USP10: variants seen among roughly 807,000 people sequenced by gnomAD.
The protein encoded by USP10 is ubiquitin specific peptidase 10, also known as ubiquitin carboxyl-terminal hydrolase 10.
A neutral mutation model predicts 84.5 loss-of-function variants in USP10; 22 were observed. The observed-to-expected ratio is 0.26, with a 90% CI of 0.19 to 0.37. USP10 has a LOEUF of 0.37. Ranked by LOEUF, USP10 falls within the 10% of genes least tolerant of loss-of-function variation. The probability of loss-of-function intolerance (pLI) is 1.00; values close to 1 mark genes in which losing one functional copy is unlikely to be tolerated. For missense variants in USP10, 1,019 were observed against 998.9 expected, an observed-to-expected ratio of 1.02 and a Z score of -0.27; for synonymous variants, 454 against 387.6, an observed-to-expected ratio of 1.17 and a Z score of -2.01.
At chr16:84,722,778 C>T (rs778457308) in intron 1 of USP10, among the ~76,000 whole-genome samples, 2 of 152,066 alleles carry the variant, frequency 1.3e-5, no homozygotes, top group Non-Finnish European at 2.9e-5. Context: ...CAGTCTCGAA[C>T]TCCCTAACCT....
rs551314341 is a variant in USP10 at position 84,763,861 on chromosome 16, C to T, written c.1655-225C>T. Among the ~76,000 whole-genome samples, 7 of 151,168 alleles carry T rather than the reference C, an allele frequency of 4.6e-5. No individual in the cohort carries two copies. The East Asian group carries it at 9.7e-4, about 21-fold the overall frequency. The stretch of plus-strand genomic sequence containing the variant: ...GGATTGGTTGCCATGGATCCAGTGA[C>T]GTTGCACCTGTTGCGATTGGTTGCC... On this transcript the variant is annotated intron_variant, in intron 9 of 13. Coordinates refer to ENST00000219473, the MANE Select transcript of USP10 (RefSeq NM_005153.3).
intron 2 of USP10, among the ~76,000 whole-genome samples, chr16:84,735,944 A>G (rs942261592): frequency 6.6e-6 from 1 of 151,190 alleles, no homozygotes; most frequent in East Asian, 1.9e-4. Flanking sequence ...ACTCACTTTC[A>G]TGGGGCGGCA....
intron 4 of USP10, among the ~76,000 whole-genome samples, chr16:84,754,458 C>T (rs1010379329): frequency 6.6e-5 from 10 of 152,146 alleles, no homozygotes; most frequent in African/African-American, 2.2e-4. Context: ...TGGTGGAGTA[C>T]ATTTCCTAGT....
chr16:84,731,228 C>T (rs978585254), intron 1 of USP10, among the ~76,000 whole-genome samples: 11 of 151,560 alleles, frequency 7.3e-5, no homozygotes, highest in Non-Finnish European at 1.2e-4. Flanking sequence ...ATCCGCCCAC[C>T]TCGGCCTCCC....
Position 84,700,051 on chromosome 16 carries a change from GC to G in USP10, c.-39del. The G allele has an allele frequency of 7.3e-7, 1 of 1,361,960 alleles. No homozygotes were observed. Among genetic ancestry groups the G allele is most frequent in the Non-Finnish European group, 9.7e-7 (1 of 1,036,030 alleles). The allele number at this position is 1,361,960 out of a possible 1,614,324, so 84.4% of individuals were successfully genotyped here. ...GGCGGCGGCGGGGGAAGCAGCGTGA[GC>G]AGCCGGAGGATCGCGGAGTCCCAAT... is the stretch of plus-strand genomic sequence containing the variant. On this transcript the variant is annotated 5_prime_UTR_variant, in exon 1 of 14. It removes the in-frame stop codon of an upstream open reading frame in the 5' UTR. Coordinates refer to ENST00000219473, the MANE Select transcript of USP10 (RefSeq NM_005153.3).
intron 4 of USP10, among the ~76,000 whole-genome samples, chr16:84,748,153 C>CAAAAAAAAAAAAAAAA (rs1169089505): frequency 2.0e-5 from 1 of 51,176 alleles, no homozygotes; most frequent in Non-Finnish European, 3.4e-5. Context: ...GACTCCATCT[C>CAAAAAAAAAAAAAAAA]AAAAAAAAAA....
rs140692768 is a variant in USP10, at chr16:84,708,617, C to T, written c.21+8506C>T. 9.8e-5 allele frequency among the ~76,000 whole-genome samples: 15 copies of T among 152,288 alleles called. No individual in the cohort carries two copies. The East Asian group carries it at 2.7e-3, about 27-fold the overall frequency. On this transcript the variant is annotated intron_variant, in intron 1 of 13. Coordinates refer to ENST00000219473, the MANE Select transcript of USP10 (RefSeq NM_005153.3). ...ATTCACCTGAATTTTTCTCCATCTT[C>T]TTCAAAATCATGTTTTTGTCTTCTG... is the stretch of plus-strand genomic sequence containing the variant.
intron 1 of USP10, among the ~76,000 whole-genome samples, chr16:84,719,992 A>G (rs1294475857): frequency 2.0e-5 from 3 of 152,214 alleles, no homozygotes; most frequent in African/African-American, 7.2e-5. Context: ...AAACCTTCTA[A>G]GTAACTTTGC....
intron 1 of USP10, 150 bp from the exon 2 acceptor site, chr16:84,733,285 C>CGA (rs1360775296): frequency 3.2e-6 from 2 of 633,332 alleles, no homozygotes; most frequent in Non-Finnish European, 5.6e-6. Context: ...ACCTAGAACT[C>CGA]TGAGTTGCAG....
chr16:84,702,635 A>T (rs921735849), intron 1 of USP10, among the ~76,000 whole-genome samples: 15 of 152,146 alleles, frequency 9.9e-5, no homozygotes, highest in Admixed American at 8.5e-4. Context: ...TCTTATTTTA[A>T]AATTGACTTG....
intron 4 of USP10, among the ~76,000 whole-genome samples, chr16:84,756,939 G>T (rs529527289): frequency 1.3e-5 from 2 of 152,298 alleles, no homozygotes; most frequent in East Asian, 3.9e-4. Flanking sequence ...ATTTTTAAGT[G>T]AAGCCCCTTA....
Position 84,744,793 on chromosome 16 carries a change from C to T in USP10, c.312C>T (p.Ile104=). Residue 104 remains isoleucine (I), a synonymous_variant, in exon 4 of 14, where the codon ATC becomes ATT. Transcript: ENST00000219473. ...CTASKITPDG[I]TKEASYGSID... is the part of the protein sequence containing the mutation. ...CTTCCAAAATAACCCCTGATGGTAT[C>T]ACTAAAGAAGCAAGCTATGGCTCCA... 1.2e-6 allele frequency: 2 copies of T among 1,613,748 alleles called. No individual in the cohort carries two copies. The highest frequency in any genetic ancestry group is 2.2e-5 in the South Asian group (2 of 91,076).
At chr16:84,719,687 C>T (rs1301514740) in intron 1 of USP10, among the ~76,000 whole-genome samples, 1 of 152,170 alleles carries the variant, frequency 6.6e-6, no homozygotes, top group African/African-American at 2.4e-5. Flanking sequence ...ATGTAGGTCC[C>T]ATAAGGGGGA....
chr16:84,701,834 A>G (rs1904896512), intron 1 of USP10, among the ~76,000 whole-genome samples: 1 of 152,140 alleles, frequency 6.6e-6, no homozygotes, highest in African/African-American at 2.4e-5. Context: ...AATGTTAGCA[A>G]CACTTTGGGT....
At chr16:84,728,619 G>A (rs892575626) in intron 1 of USP10, among the ~76,000 whole-genome samples, 3 of 152,080 alleles carry the variant, frequency 2.0e-5, no homozygotes, top group East Asian at 1.9e-4. Context: ...GTGAGCCACC[G>A]TGTCCGGCCT....
chr16:84,777,274 C>G (rs140279221), intron 13 of USP10, among the ~76,000 whole-genome samples: 1 of 152,178 alleles, frequency 6.6e-6, no homozygotes, highest in Non-Finnish European at 1.5e-5. Context: ...GACATGCAGT[C>G]CCCCTTGACA....
At position 84,715,429 on chromosome 16, in the gene USP10, G is replaced by T. The variant is rs549853540; in HGVS notation, c.21+15318G>T. Reference sequence around the variant, plus strand: ...TGTGGTGCATGTGGCAGGTTCTTTTGTAGTAATTCAGAGAATGAAGATGGG... The same window carrying T: ...TGTGGTGCATGTGGCAGGTTCTTTTTTAGTAATTCAGAGAATGAAGATGGG... On this transcript the variant is annotated intron_variant, in intron 1 of 13. Coordinates refer to ENST00000219473, the MANE Select transcript of USP10 (RefSeq NM_005153.3). Among the ~76,000 whole-genome samples the T allele has an allele frequency of 1.1e-4, 17 of 152,164 alleles. No homozygotes were observed. The East Asian group carries it at 2.9e-3, about 26-fold the overall frequency.
At chr16:84,765,118 A>G (rs1447778820) in intron 10 of USP10, among the ~76,000 whole-genome samples, 1 of 151,706 alleles carries the variant, frequency 6.6e-6, no homozygotes, top group African/African-American at 2.4e-5. Context: ...TGGTAAGAGA[A>G]GACAGTGTAT....
chr16:84,772,756 C>T (rs1194279013), intron 12 of USP10, 71 bp downstream of exon 12: 15 of 1,569,626 alleles, frequency 9.6e-6, no homozygotes, highest in Non-Finnish European at 1.2e-5. Context: ...AACCCTGTAG[C>T]ATTTCTTTAT....
Sources: gnomAD v4.1 joint callset for allele counts (sites outside exome capture counted in the v4.1 genomes callset) on GRCh38, gnomAD v4.1.1 for gene constraint, MANE v1.5 for transcripts, NCBI Gene and HGNC (gene_info 2026-07-23, HGNC 2026-07-21) for gene names.